Variants in ATXN7 observed in about 807,000 individuals in gnomAD.
The protein encoded by ATXN7 is ataxin-7.
ATXN7 carries 12 observed loss-of-function variants against 70.5 expected under a neutral mutation model. The ratio of observed to expected loss-of-function variants is 0.17; its 90% CI spans 0.11 to 0.28. ATXN7 has a LOEUF of 0.28. Among genes scored for constraint, ATXN7 ranks in the 10% least tolerant of loss-of-function variants. ATXN7 has a pLI of 1.00. For synonymous variants in ATXN7, 498 were observed against 448.7 expected, an observed-to-expected ratio of 1.11 and a Z score of -1.39; for missense variants, 1,256 against 1,131.7, an observed-to-expected ratio of 1.11 and a Z score of -1.58.
At position 64,002,768 on chromosome 3, in the gene ATXN7, T is replaced by C. The variant is rs1233786276; in HGVS notation, c.*3301T>C. On this transcript the variant is annotated 3_prime_UTR_variant, in exon 13 of 13. Coordinates refer to ENST00000674280, the MANE Select transcript of ATXN7 (RefSeq NM_001377405.1). ...TTTAAAATTAAGACCTCTTGGTTCA[T>C]AGTAATTCAATTGGTGATGGATTGC... is the stretch of plus-strand genomic sequence containing the variant. 1 of 152,198 alleles carries C rather than the reference T, an allele frequency of 6.6e-6. No homozygotes were observed. Among genetic ancestry groups the C allele is most frequent in the African/African-American group, 2.4e-5 (1 of 41,464 alleles). 9.4% of individuals were successfully genotyped at this position (152,198 alleles called of 1,614,324 possible). A position where few individuals can be genotyped will look rare whatever the true frequency, so the allele number is the denominator to read the frequency against.
chr3:63,899,821 G>C (rs1005396557), intron 2 of ATXN7, among the ~76,000 whole-genome samples: 11 of 152,032 alleles, frequency 7.2e-5, no homozygotes, highest in African/African-American at 2.7e-4. Flanking sequence ...GTTTCGCCGT[G>C]TTAGCCAAGA....
intron 4 of ATXN7, among the ~76,000 whole-genome samples, chr3:63,946,639 T>C: frequency 7.3e-6 from 1 of 137,202 alleles, no homozygotes; most frequent in Non-Finnish European, 1.5e-5. Flanking sequence ...CGAGACTCTG[T>C]CTCAAAAAAA....
At chr3:63,941,982 A>G (rs2074776983) in intron 4 of ATXN7, among the ~76,000 whole-genome samples, 2 of 152,202 alleles carry the variant, frequency 1.3e-5, no homozygotes, top group Admixed American at 1.3e-4. Flanking sequence ...TGTTACGTGG[A>G]GACCAGCCTT....
chr3:64,001,040 A>T lies in ATXN7; in HGVS notation c.*1573A>T, dbSNP rs1334803022. 2.0e-5 allele frequency: 3 copies of T among 151,990 alleles called. No homozygotes were observed. The highest frequency in any genetic ancestry group is 1.5e-5 in the Non-Finnish European group (1 of 67,998). 9.4% of individuals were successfully genotyped at this position (151,990 alleles called of 1,614,324 possible). On this transcript the variant is annotated 3_prime_UTR_variant, in exon 13 of 13. Transcript: ENST00000674280. ...GGGCCTGATGAGAGCCAGTCAGTAC[A>T]TTCTTTTTTTCCTACAGTTCTTGGG... is the stretch of plus-strand genomic sequence containing the variant.
chr3:63,865,921 A>AAAAAAG (rs1702408544), intron 1 of ATXN7, among the ~76,000 whole-genome samples: 2 of 149,756 alleles, frequency 1.3e-5, no homozygotes, highest in African/African-American at 4.9e-5. Flanking sequence ...AAAAAAAAAA[A>AAAAAAG]AAAAGAAAGT....
intron 5 of ATXN7, among the ~76,000 whole-genome samples, chr3:63,966,983 T>C (rs2075234923): frequency 6.6e-6 from 1 of 152,220 alleles, no homozygotes; most frequent in Admixed American, 6.5e-5. Context: ...TTATTAGAAC[T>C]CTGTCACCTG....
chr3:63,912,085 A>C (rs1704040804), intron 2 of ATXN7: 1 of 152,080 alleles, frequency 6.6e-6, no homozygotes, highest in Admixed American at 6.5e-5. Context: ...GTCTCCGCTT[A>C]AGGGAGCCGG....
intron 5 of ATXN7, among the ~76,000 whole-genome samples, chr3:63,966,121 A>C (rs1030047112): frequency 6.6e-6 from 1 of 152,186 alleles, no homozygotes; most frequent in African/African-American, 2.4e-5. Context: ...TCGTACAATC[A>C]CTGTGTACGA....
chr3:63,869,732 C>A (rs1355748112), intron 1 of ATXN7, among the ~76,000 whole-genome samples: 1 of 152,164 alleles, frequency 6.6e-6, no homozygotes, highest in Non-Finnish European at 1.5e-5. Flanking sequence ...GCTAGAGATA[C>A]TATACATCCT....
intron 1 of ATXN7, among the ~76,000 whole-genome samples, 198 bp from the exon 2 acceptor site, chr3:63,898,201 A>G (rs191813715): frequency 9.2e-4 from 134 of 145,300 alleles, no homozygotes; most frequent in Middle Eastern, 3.5e-3. Flanking sequence ...TATTGTAACT[A>G]TAGCCAATTA....
chr3:63,938,524 T>C (rs1212344680), intron 4 of ATXN7, among the ~76,000 whole-genome samples: 2 of 152,270 alleles, frequency 1.3e-5, no homozygotes, highest in Non-Finnish European at 2.9e-5. Context: ...AAAGCAGCTG[T>C]ACACATGGGT....
Position 63,912,617 on chromosome 3 carries a change from G to C in ATXN7, c.19G>C (p.Asp7His). ...GGAAAGAATGTCGGAGCGGGCCGCG[G>C]ATGACGTCAGGGGGGAGCCGCGCCG... MSERAA[D>H]DVRGEPRRAA... The change falls in exon 3 of 13, where the codon GAT (aspartate) becomes CAT (histidine). Residue 7 changes from aspartate (D) to histidine (H), a missense_variant. By Grantham distance (81) the Asp-to-His change is moderately conservative (BLOSUM62 -1). Transcript: ENST00000674280. 9.1e-7 allele frequency: 1 copy of C among 1,094,066 alleles called. No homozygotes were observed. The highest frequency in any genetic ancestry group is 1.1e-6 in the Non-Finnish European group (1 of 888,148). 67.8% of individuals were successfully genotyped at this position (1,094,066 alleles called of 1,614,324 possible). A position where few individuals can be genotyped will look rare whatever the true frequency, so the allele number is the denominator to read the frequency against.
At chr3:63,954,460 G>A (rs1328243375) in intron 5 of ATXN7, among the ~76,000 whole-genome samples, 1 of 152,164 alleles carries the variant, frequency 6.6e-6, no homozygotes, top group Non-Finnish European at 1.5e-5. Context: ...AGCTCACAGG[G>A]CCTCAGTGCC....
intron 1 of ATXN7, among the ~76,000 whole-genome samples, chr3:63,875,761 A>G (rs1238229707): frequency 6.6e-6 from 1 of 152,142 alleles, no homozygotes; most frequent in Non-Finnish European, 1.5e-5. Flanking sequence ...TTTTGAGAGG[A>G]GCACTTGACA....
intron 5 of ATXN7, among the ~76,000 whole-genome samples, chr3:63,952,835 CTTTT>C (rs59256288): frequency 1.8e-3 from 87 of 49,130 alleles, no homozygotes; most frequent in African/African-American, 8.0e-3. Flanking sequence ...ATGCATGGGC[CTTTT>C]TTTTTTTTTT....
intron 4 of ATXN7, among the ~76,000 whole-genome samples, chr3:63,923,506 C>T (rs1036442471): frequency 3.9e-5 from 6 of 152,044 alleles, no homozygotes; most frequent in Admixed American, 2.0e-4. Flanking sequence ...ACCAGAATGC[C>T]GAGAAAGAAG....
At chr3:63,998,172 A>C (rs1157663987) in intron 12 of ATXN7, 2 of 844,718 alleles carry the variant, frequency 2.4e-6, no homozygotes, top group African/African-American at 5.8e-5. Context: ...TGTAGATCTT[A>C]ATGCCCACAA....
intron 5 of ATXN7, among the ~76,000 whole-genome samples, chr3:63,974,090 C>A (rs1412521961): frequency 6.6e-6 from 1 of 151,992 alleles, no homozygotes; most frequent in Non-Finnish European, 1.5e-5. Context: ...CGTCGGAGAC[C>A]CTCCCCTGTC....
intron 1 of ATXN7, 38 bp from the exon 2 acceptor site, chr3:63,898,361 C>T (rs1703508620): frequency 6.6e-6 from 1 of 152,136 alleles, no homozygotes; most frequent in Admixed American, 6.5e-5. Flanking sequence ...TTTGTCCATC[C>T]ACTGTTTCAT....
Sources: allele counts gnomAD v4.1 joint callset (sites outside exome capture counted in the v4.1 genomes callset), GRCh38; gene constraint gnomAD v4.1.1; transcripts MANE v1.5; gene names NCBI Gene and HGNC (gene_info 2026-07-23, HGNC 2026-07-21).